The following DNAH14 variants were observed in gnomAD, a reference collection of about 807,000 sequenced individuals.
The protein encoded by DNAH14 is axonemal beta dynein heavy chain 14.
Under a neutral mutation model 520.9 loss-of-function variants are expected in DNAH14, and 478 were observed. The observed-to-expected ratio is 0.92, with a 90% CI of 0.85 to 0.99. The LOEUF (loss-of-function observed/expected upper bound fraction) is 0.99. DNAH14 is among the 50% of genes least tolerant of loss of function. The pLI is 0.00. For missense variants in DNAH14, 4,831 were observed against 5,234.5 expected (o/e 0.92, Z 2.38); for synonymous variants, 1,581 against 1,757.2 (o/e 0.90, Z 2.51).
At chr1:225,287,214 G>GA (rs1026520450) in intron 54 of DNAH14, among the ~76,000 whole-genome samples, 15 of 151,586 alleles carry the variant, frequency 9.9e-5, no homozygotes, top group South Asian at 2.1e-4. Context: ...TACAAATTTA[G>GA]AAAAAAAAGT....
chr1:225,345,485 C>T (rs2095272497), intron 69 of DNAH14, among the ~76,000 whole-genome samples: 1 of 152,106 alleles, frequency 6.6e-6, no homozygotes, highest in African/African-American at 2.4e-5. Context: ...AGGTGAGTTG[C>T]AATCTATTAG....
chr1:225,038,679 C>A lies in DNAH14; in HGVS notation c.1359-15C>A. On this transcript the variant is annotated splice_polypyrimidine_tract_variant and intron_variant, in intron 11 of 85. Transcript: ENST00000682510. ...GATTTTTAAATGATTTTTTTCTTCC[C>A]ATTTCTTAATCCAGAACATTCAAGG... The A allele has an allele frequency of 6.6e-7, 1 of 1,511,650 alleles. No individual in the cohort carries two copies. The highest frequency in any genetic ancestry group is 2.5e-5 in the Admixed American group (1 of 39,238). The allele number at this position is 1,511,650 out of a possible 1,614,324, so 93.6% of individuals were successfully genotyped here.
intron 55 of DNAH14, among the ~76,000 whole-genome samples, chr1:225,299,191 CTT>C (rs371522617): frequency 6.6e-6 from 1 of 152,076 alleles, no homozygotes; most frequent in African/African-American, 2.4e-5. Context: ...TAATCACTCA[CTT>C]TTTTTTGTTC....
Position 224,968,943 on chromosome 1 carries a change from C to T in DNAH14, c.767+69C>T, listed in dbSNP as rs1316665917. The T allele has an allele frequency of 2.8e-6, 3 of 1,071,710 alleles. No homozygotes were observed. The African/African-American group carries it at 5.0e-5, about 18-fold the overall frequency. 66.4% of individuals were successfully genotyped at this position (1,071,710 alleles called of 1,614,324 possible). On this transcript the variant is annotated intron_variant, in intron 7 of 85. Coordinates refer to ENST00000682510, the MANE Select transcript of DNAH14 (RefSeq NM_001367479.1). ...ATTGAAGGAGCAGTTGCCTGAGTGA[C>T]ATCTGGGTTCTACTACAGTAATACC...
Position 225,318,563 on chromosome 1 carries a change from G to T in DNAH14, c.9241-20G>T. On this transcript the variant is annotated intron_variant, in intron 60 of 85. Transcript: ENST00000682510. Reference sequence around the variant, plus strand: ...CTATATTGATTCATATGTGTTTGGGGACCTATATTTTTATTGCAGAAAACT... The same window carrying T: ...CTATATTGATTCATATGTGTTTGGGTACCTATATTTTTATTGCAGAAAACT... The T allele has an allele frequency of 6.5e-7, 1 of 1,534,414 alleles. No homozygotes were observed. Among genetic ancestry groups the T allele is most frequent in the Non-Finnish European group, 8.8e-7 (1 of 1,140,346 alleles).
Position 225,258,110 on chromosome 1 carries a change from T to C in DNAH14, c.7016T>C (p.Leu2339Pro), listed in dbSNP as rs1364229667. ...CTTTTAAAGAATTCCTGCCCTGTAC[T>C]TCTCACAGGTATTACAAATATTTAA... is the stretch of plus-strand genomic sequence containing the variant. ...SLLLKNSCPVLLTGESGVGKT... is the reference protein window; with the variant it reads ...SLLLKNSCPVPLTGESGVGKT... The change falls in exon 45 of 86, where the codon CTT becomes CCT. Residue 2339 changes from leucine (L) to proline (P), a missense_variant. Leu to Pro is a moderately conservative substitution (Grantham distance 98). Coordinates refer to ENST00000682510, the MANE Select transcript of DNAH14 (RefSeq NM_001367479.1). The C allele has an allele frequency of 1.3e-6, 2 of 1,508,092 alleles. No homozygotes were observed. The allele number at this position is 1,508,092 out of a possible 1,614,324, so 93.4% of individuals were successfully genotyped here.
intron 8 of DNAH14, among the ~76,000 whole-genome samples, chr1:224,996,283 A>G (rs1433920062): frequency 2.0e-5 from 3 of 151,862 alleles, no homozygotes; most frequent in Admixed American, 6.6e-5. Context: ...CTTCCTGAGT[A>G]GCTGAGACCA....
chr1:225,191,935 T>G (rs1201544282), intron 37 of DNAH14, among the ~76,000 whole-genome samples: 1 of 152,110 alleles, frequency 6.6e-6, no homozygotes, highest in Non-Finnish European at 1.5e-5. Context: ...TAGTTCCTAC[T>G]TGTTCTTACA....
chr1:225,206,977 G>A lies in DNAH14; in HGVS notation c.6196G>A (p.Asp2066Asn), dbSNP rs2087657446. The A allele has an allele frequency of 6.7e-7, 1 of 1,495,858 alleles. No homozygotes were observed. Among genetic ancestry groups the A allele is most frequent in the Non-Finnish European group, 8.9e-7 (1 of 1,122,830 alleles). 92.7% of individuals were successfully genotyped at this position (1,495,858 alleles called of 1,614,324 possible). The change falls in exon 41 of 86, where the codon GAT (aspartate) becomes AAT (asparagine). Residue 2066 changes from aspartate to asparagine, a missense_variant. Physicochemically the swap from Asp to Asn is conservative, Grantham distance 23 (BLOSUM62 1). Transcript: ENST00000682510. ...RCAMVYMDPV[D>N]LGWEPYVKSW... Reference sequence around the variant, plus strand: ...TGCTCCTTATTATTAGGATCCTGTTGATCTGGGATGGGAACCTTATGTTAA... The same window carrying A: ...TGCTCCTTATTATTAGGATCCTGTTAATCTGGGATGGGAACCTTATGTTAA...
intron 7 of DNAH14, among the ~76,000 whole-genome samples, chr1:224,971,450 G>A (rs2061496826): frequency 6.6e-6 from 1 of 152,092 alleles, no homozygotes; most frequent in South Asian, 2.1e-4. Flanking sequence ...TTTCACTGGT[G>A]TAAGAACTGG....
intron 76 of DNAH14, among the ~76,000 whole-genome samples, chr1:225,365,324 T>C (rs1328543989): frequency 6.6e-6 from 1 of 152,162 alleles, no homozygotes; most frequent in African/African-American, 2.4e-5. Context: ...ATATCCACTA[T>C]TGAGGCTGAA....
At chr1:225,041,448 A>G (rs2067473736) in intron 12 of DNAH14, among the ~76,000 whole-genome samples, 1 of 152,234 alleles carries the variant, frequency 6.6e-6, no homozygotes, top group Non-Finnish European at 1.5e-5. Flanking sequence ...TGTTGTCACA[A>G]AAAGTGTAAC....
At chr1:225,189,040 T>C (rs2085084552) in intron 37 of DNAH14, among the ~76,000 whole-genome samples, 1 of 151,972 alleles carries the variant, frequency 6.6e-6, no homozygotes, top group Non-Finnish European at 1.5e-5. Context: ...CCTAGTTTTC[T>C]GAGCGTTTTT....
At position 225,038,779 on chromosome 1, in the gene DNAH14, T is replaced by C. The variant is rs2067192250; in HGVS notation, c.1444T>C (p.Ser482Pro). ...LVDNSKLHAI[S>P]VQKSEVKTDT... ...TGATAATTCAAAGTTACATGCTATTTCTGTTCAAAAGTCAGAAGTAAAAAC... is the reference window on the plus strand; with the variant it reads ...TGATAATTCAAAGTTACATGCTATTCCTGTTCAAAAGTCAGAAGTAAAAAC... Residue 482 changes from serine (S) to proline (P), a missense_variant, in exon 12 of 86, where the codon TCT becomes CCT. Coordinates refer to ENST00000682510, the MANE Select transcript of DNAH14 (RefSeq NM_001367479.1). The C allele has an allele frequency of 2.0e-6, 3 of 1,525,520 alleles. No individual in the cohort carries two copies. The East Asian group carries it at 7.6e-5, about 39-fold the overall frequency. 94.5% of individuals were successfully genotyped at this position (1,525,520 alleles called of 1,614,324 possible).
Position 225,207,267 on chromosome 1 carries a change from C to T in DNAH14, c.6439+47C>T. On this transcript the variant is annotated intron_variant, in intron 41 of 85. Coordinates refer to ENST00000682510, the MANE Select transcript of DNAH14 (RefSeq NM_001367479.1). ...ATATCAATGATATATCTTAGCTAGT[C>T]AATGCTAATTCATCACCGTCTATTA... 4 of 1,419,964 alleles carry T rather than the reference C, an allele frequency of 2.8e-6. No individual in the cohort carries two copies. The South Asian group carries it at 6.5e-5, about 23-fold the overall frequency. 88.0% of individuals were successfully genotyped at this position (1,419,964 alleles called of 1,614,324 possible).
chr1:225,265,735 G>A (rs2093089485), intron 48 of DNAH14, among the ~76,000 whole-genome samples: 1 of 151,998 alleles, frequency 6.6e-6, no homozygotes, highest in Non-Finnish European at 1.5e-5. Flanking sequence ...GCTTTTAAGG[G>A]TTTGCTTCAG....
intron 1 of DNAH14, among the ~76,000 whole-genome samples, chr1:224,935,897 G>C (rs976132395): frequency 6.6e-6 from 1 of 151,474 alleles, no homozygotes; most frequent in Non-Finnish European, 1.5e-5. Context: ...AAAGTAATAA[G>C]AACAACTCTG....
intron 72 of DNAH14, among the ~76,000 whole-genome samples, chr1:225,353,333 ATT>A (rs2095392685): frequency 6.6e-6 from 1 of 152,060 alleles, no homozygotes; most frequent in Admixed American, 6.6e-5. Context: ...ATAATATTTA[ATT>A]TTTCAAAAAT....
chr1:224,951,932 C>G (rs2060206346), intron 1 of DNAH14, among the ~76,000 whole-genome samples: 1 of 152,194 alleles, frequency 6.6e-6, no homozygotes, highest in Admixed American at 6.5e-5. Context: ...AGCCACGGCG[C>G]CCGGCTGGCA....
Sources: allele counts gnomAD v4.1 joint callset (sites outside exome capture counted in the v4.1 genomes callset), GRCh38; gene constraint gnomAD v4.1.1; transcripts MANE v1.5; gene names NCBI Gene and HGNC (gene_info 2026-07-23, HGNC 2026-07-21).